SEC63: variants seen among roughly 807,000 people sequenced by gnomAD.
SEC63 encodes SEC63 protein translocation regulator.
A neutral mutation model predicts 116.2 loss-of-function variants in SEC63; 56 were observed. The ratio of observed to expected loss-of-function variants is 0.48; its 90% CI spans 0.39 to 0.60. The LOEUF (loss-of-function observed/expected upper bound fraction) is 0.60. SEC63 is among the 20% of genes least tolerant of loss of function. The pLI, the probability that SEC63 is intolerant of heterozygous loss-of-function variation, is 0.00. For missense variants in SEC63, 668 were observed against 900.0 expected (o/e 0.74, Z 3.30); for synonymous variants, 273 against 294.6 (o/e 0.93, Z 0.75).
intron 10 of SEC63, 90 bp downstream of exon 10, chr6:107,906,358 G>A: frequency 7.3e-7 from 1 of 1,378,386 alleles, no homozygotes; most frequent in Non-Finnish European, 1.0e-6. Context: ...TTAGAGCAAT[G>A]CGAGAACAAA....
intron 1 of SEC63, among the ~76,000 whole-genome samples, chr6:107,952,057 C>A (rs577895911): frequency 6.6e-6 from 1 of 152,094 alleles, no homozygotes; most frequent in East Asian, 1.9e-4. Flanking sequence ...CTAAGCCCTC[C>A]GTGTTATCAT....
chr6:107,919,808 C>T (rs1294043670), intron 4 of SEC63, among the ~76,000 whole-genome samples: 5 of 149,670 alleles, frequency 3.3e-5, no homozygotes, highest in African/African-American at 4.9e-5. Context: ...GGCGACAGAG[C>T]AAGACTCCAT....
At chr6:107,943,512 T>C (rs1770419162) in intron 1 of SEC63, among the ~76,000 whole-genome samples, 1 of 152,176 alleles carries the variant, frequency 6.6e-6, no homozygotes, top group Admixed American at 6.5e-5. Flanking sequence ...CCAATATATT[T>C]ACTGAAAAAA....
intron 3 of SEC63, among the ~76,000 whole-genome samples, chr6:107,922,205 A>C (rs1172130804): frequency 6.6e-6 from 1 of 152,254 alleles, no homozygotes; most frequent in African/African-American, 2.4e-5. Context: ...ACATAAAATA[A>C]TACTGACATT....
intron 17 of SEC63, among the ~76,000 whole-genome samples, chr6:107,882,164 C>T (rs1786427701): frequency 6.6e-6 from 1 of 152,162 alleles, no homozygotes; most frequent in Non-Finnish European, 1.5e-5. Flanking sequence ...GTGTTATTAA[C>T]CCCTTATACT....
chr6:107,956,096 G>A, intron 1 of SEC63: 1 of 259,624 alleles, frequency 3.9e-6, no homozygotes. Flanking sequence ...GGGTAAATGA[G>A]ACTCTCCCCG....
chr6:107,885,197 G>C (rs1259158196), intron 16 of SEC63, among the ~76,000 whole-genome samples: 3 of 151,426 alleles, frequency 2.0e-5, no homozygotes, highest in African/African-American at 4.9e-5. Flanking sequence ...AGAAAGAAAG[G>C]GTATAAAGAT....
At chr6:107,918,584 C>T (rs1327394505) in intron 4 of SEC63, among the ~76,000 whole-genome samples, 1 of 151,106 alleles carries the variant, frequency 6.6e-6, no homozygotes, top group Non-Finnish European at 1.5e-5. Flanking sequence ...CCGAGCTACT[C>T]GGGAGGCTGA....
intron 19 of SEC63, 138 bp downstream of exon 19, chr6:107,876,426 A>G (rs1786267747): frequency 1.5e-6 from 1 of 646,572 alleles, no homozygotes; most frequent in Non-Finnish European, 2.8e-6. Context: ...AAAATAGAGA[A>G]CAGTTACAAA....
chr6:107,883,251 T>G, intron 16 of SEC63, 105 bp from the exon 17 acceptor site: 2 of 1,382,086 alleles, frequency 1.4e-6, no homozygotes, highest in Non-Finnish European at 2.0e-6. Flanking sequence ...ACTGACTCGA[T>G]GACAATTTCA....
intron 7 of SEC63, among the ~76,000 whole-genome samples, chr6:107,910,076 A>G (rs1390110836): frequency 6.6e-6 from 1 of 152,192 alleles, no homozygotes; most frequent in Non-Finnish European, 1.5e-5. Context: ...TTCATAGAAA[A>G]AGATTTTAAA....
intron 1 of SEC63, among the ~76,000 whole-genome samples, chr6:107,950,801 C>G (rs764272465): frequency 2.6e-4 from 39 of 152,214 alleles, no homozygotes; most frequent in Middle Eastern, 3.4e-3. Flanking sequence ...AAGGAGTCAA[C>G]AAAAACTTTT....
intron 3 of SEC63, among the ~76,000 whole-genome samples, chr6:107,924,016 G>A (rs891435477): frequency 1.3e-5 from 2 of 152,224 alleles, no homozygotes; most frequent in African/African-American, 4.8e-5. Context: ...TGTAATCCCA[G>A]CACTTTGGGA....
chr6:107,926,396 G>A (rs927610646), intron 2 of SEC63, among the ~76,000 whole-genome samples: 2 of 152,052 alleles, frequency 1.3e-5, no homozygotes, highest in African/African-American at 4.8e-5. Context: ...AATCTTAAGA[G>A]GCCAAATTAA....
At chr6:107,913,490 T>G (rs375082912) in intron 4 of SEC63, 63 bp from the exon 5 acceptor site, 3 of 1,132,516 alleles carry the variant, frequency 2.6e-6, no homozygotes, top group Admixed American at 1.7e-5. Flanking sequence ...AGTACTCATA[T>G]AGACAAACTC....
At chr6:107,939,779 AT>A (rs201144065) in intron 1 of SEC63, among the ~76,000 whole-genome samples, 10 of 152,138 alleles carry the variant, frequency 6.6e-5, no homozygotes, top group African/African-American at 2.4e-4. Flanking sequence ...AAAAAAAAAA[AT>A]TTTTAAAAAC....
chr6:107,954,037 AG>A (rs1770649824), intron 1 of SEC63, among the ~76,000 whole-genome samples: 1 of 152,204 alleles, frequency 6.6e-6, no homozygotes, highest in African/African-American at 2.4e-5. Context: ...GGGGAAAGGC[AG>A]GGAAAGGATT....
intron 1 of SEC63, among the ~76,000 whole-genome samples, chr6:107,937,183 C>T (rs1000391299): frequency 3.7e-5 from 5 of 136,700 alleles, no homozygotes; most frequent in East Asian, 2.1e-4. Flanking sequence ...AGTGCAATGG[C>T]GCAATCTCAG....
At chr6:107,879,436 C>A (rs1786358475) in intron 18 of SEC63, among the ~76,000 whole-genome samples, 1 of 152,234 alleles carries the variant, frequency 6.6e-6, no homozygotes. Flanking sequence ...AAGCAATTCT[C>A]CTGCCTCAGC....
Sources: allele counts gnomAD v4.1 joint callset (sites outside exome capture counted in the v4.1 genomes callset), GRCh38; gene constraint gnomAD v4.1.1; transcripts MANE v1.5; gene names NCBI Gene and HGNC (gene_info 2026-07-23, HGNC 2026-07-21).